The following EPG5 variants were observed in gnomAD, a reference collection of about 807,000 sequenced individuals.
EPG5 encodes the protein ectopic P granules protein 5 homolog.
EPG5 carries 159 observed loss-of-function variants against 302.7 expected under a neutral mutation model. The ratio of observed to expected loss-of-function variants is 0.53; its 90% CI spans 0.46 to 0.60. EPG5 has a LOEUF of 0.60. Among genes scored for constraint, EPG5 ranks in the 20% least tolerant of loss-of-function variants. The pLI, the probability that EPG5 is intolerant of heterozygous loss-of-function variation, is 0.00. For missense variants in EPG5, 2,896 were observed against 3,092.4 expected, an observed-to-expected ratio of 0.94 and a Z score of 1.51; for synonymous variants, 1,158 against 1,136.8, an observed-to-expected ratio of 1.02 and a Z score of -0.37.
intron 43 of EPG5, 73 bp from the exon 44 acceptor site, chr18:45,852,722 C>A: frequency 1.5e-6 from 2 of 1,294,588 alleles, no homozygotes; most frequent in Admixed American, 1.8e-5. Context: ...TACAGCACAC[C>A]CATTATCACT....
intron 10 of EPG5, among the ~76,000 whole-genome samples, chr18:45,937,371 C>CAT (rs1316634653): frequency 6.7e-6 from 1 of 150,038 alleles, no homozygotes; most frequent in African/African-American, 2.5e-5. Flanking sequence ...TACACACACA[C>CAT]ATATATATAC....
the EPG5 span, chr18:45,842,461 G>C: frequency 1.5e-4 from 64 of 416,326 alleles, no homozygotes; most frequent in Middle Eastern, 6.8e-4. Context: ...GAGAGAGAGA[G>C]TACACGCATT....
chr18:45,894,771 C>T (rs1165272634), intron 27 of EPG5, among the ~76,000 whole-genome samples: 1 of 152,044 alleles, frequency 6.6e-6, no homozygotes, highest in Non-Finnish European at 1.5e-5. Flanking sequence ...GTCTAAATGG[C>T]TGAAAAGTAA....
chr18:45,854,242 T>A (rs975196512), intron 43 of EPG5, among the ~76,000 whole-genome samples: 1 of 152,248 alleles, frequency 6.6e-6, no homozygotes, highest in Non-Finnish European at 1.5e-5. Flanking sequence ...GAGTGACAAC[T>A]ATCAGCTATT....
chr18:45,938,717 G>A (rs1286131080), intron 10 of EPG5, among the ~76,000 whole-genome samples: 1 of 152,152 alleles, frequency 6.6e-6, no homozygotes, highest in African/African-American at 2.4e-5. Context: ...TGAGGTTAAT[G>A]GAACAGTAGT....
intron 35 of EPG5, among the ~76,000 whole-genome samples, chr18:45,871,003 G>A (rs961569072): frequency 2.0e-5 from 3 of 152,078 alleles, no homozygotes; most frequent in African/African-American, 4.8e-5. Context: ...ATTTCTAAAC[G>A]TATGGCTTTT....
intron 26 of EPG5, among the ~76,000 whole-genome samples, chr18:45,899,863 G>A (rs1426290027): frequency 6.6e-6 from 1 of 152,192 alleles, no homozygotes; most frequent in African/African-American, 2.4e-5. Context: ...AAGAACAACT[G>A]AGAATTCTAT....
At position 45,855,561 on chromosome 18, in the gene EPG5, G is replaced by T; in HGVS notation, c.7557+12C>A. On this transcript the variant is annotated intron_variant, in intron 43 of 43. Transcript: ENST00000282041. ...GCAGGCAAACTTCTAACCCTTCATT[G>T]TATATACTGACCTGCTGAGCTTTGG... The T allele has an allele frequency of 6.2e-7, 1 of 1,604,094 alleles. No individual in the cohort carries two copies. Among genetic ancestry groups the T allele is most frequent in the Non-Finnish European group, 8.5e-7 (1 of 1,171,182 alleles).
Position 45,930,789 on chromosome 18 carries a change from T to C in EPG5, c.2299A>G (p.Met767Val), listed in dbSNP as rs1006436383. The C allele has an allele frequency of 6.2e-7, 1 of 1,607,894 alleles. No individual in the cohort carries two copies. The change falls in exon 12 of 44, where the codon ATG becomes GTG. Residue 767 changes from methionine (M) to valine (V), a missense_variant. Met to Val is a conservative substitution (Grantham distance 21, BLOSUM62 1). This residue lies in a region of EPG5 where 1,390 missense variants were observed against 1,430.0 expected (regional missense o/e 0.97). Transcript: ENST00000282041. ...FTNFEKCLSS[M>V]NSSEEICLLT... ...AGGCAAATCTCTTCTGAGCTATTCA[T>C]AGAAGAAAGACACTTCTCAAAGTTG... is the stretch of plus-strand genomic sequence containing the variant.
the EPG5 span, among the ~76,000 whole-genome samples, chr18:45,817,668 G>C: frequency 1.7e-4 from 26 of 152,358 alleles, no homozygotes; most frequent in Middle Eastern, 3.4e-3. Flanking sequence ...AGAAGGCTCA[G>C]TTCTTTAGCA....
intron 1 of EPG5, 36 bp downstream of exon 1, chr18:45,967,141 C>CT: frequency 2.0e-6 from 3 of 1,523,158 alleles, no homozygotes; most frequent in Non-Finnish European, 2.6e-6. Context: ...ACACAGCACA[C>CT]TGCCAGAGCC....
chr18:45,911,078 T>TACACACACACAC (rs34212851), intron 22 of EPG5, among the ~76,000 whole-genome samples: 17 of 135,330 alleles, frequency 1.3e-4, no homozygotes, highest in African/African-American at 4.2e-4. Context: ...TATCTATCTA[T>TACACACACACAC]ACACACACAC....
intron 35 of EPG5, among the ~76,000 whole-genome samples, chr18:45,871,973 G>A (rs76991766): frequency 1.0e-3 from 158 of 152,318 alleles, no homozygotes; most frequent in African/African-American, 3.7e-3. Context: ...TAAGCAAGGT[G>A]ATGGATATCT....
chr18:45,821,961 T>C, the EPG5 span, among the ~76,000 whole-genome samples: 8 of 152,130 alleles, frequency 5.3e-5, no homozygotes, highest in African/African-American at 1.9e-4. Flanking sequence ...AAAAATTACA[T>C]ATAGTGAAGC....
chr18:45,963,727 T>A (rs8087546), intron 1 of EPG5, among the ~76,000 whole-genome samples: 26,639 of 152,160 alleles, frequency 0.18, 3,560 homozygotes, highest in African/African-American at 0.34. Context: ...ACAGAGCCCT[T>A]AGTCCATGCT....
At position 45,876,289 on chromosome 18, in the gene EPG5, C is replaced by T. The variant is rs1398653306; in HGVS notation, c.5996G>A (p.Ser1999Asn). The change falls in exon 35 of 44, where the codon AGC becomes AAC. Residue 1999 changes from serine (S) to asparagine (N), a missense_variant. Physicochemically the swap from Ser to Asn is conservative, Grantham distance 46. Around this residue, in one of 5 missense-constraint regions of EPG5, gnomAD observed 32 missense variants for 58.4 expected, o/e 0.55. Coordinates refer to ENST00000282041, the MANE Select transcript of EPG5 (RefSeq NM_020964.3). ...ACAGTCAGTGAACAGCTGCACAATG[C>T]TTGAGGCCACCACAGTATCACTCTC... ...WLESDTVVAS[S>N]IVQLFTDCID... 1.2e-6 allele frequency: 2 copies of T among 1,614,104 alleles called. No individual in the cohort carries two copies. The highest frequency in any genetic ancestry group is 1.1e-5 in the South Asian group (1 of 91,080).
chr18:45,885,891 C>G (rs1282510403), intron 29 of EPG5, among the ~76,000 whole-genome samples: 1 of 151,848 alleles, frequency 6.6e-6, no homozygotes, highest in African/African-American at 2.4e-5. Flanking sequence ...ACCACAATCA[C>G]CAATTCACAA....
chr18:45,894,292 G>A (rs984812202), intron 27 of EPG5, among the ~76,000 whole-genome samples: 1 of 151,758 alleles, frequency 6.6e-6, no homozygotes. Flanking sequence ...AAACCTCATC[G>A]CTACTAAAAA....
At chr18:45,963,976 G>A (rs924783177) in intron 1 of EPG5, among the ~76,000 whole-genome samples, 1 of 152,198 alleles carries the variant, frequency 6.6e-6, no homozygotes, top group Non-Finnish European at 1.5e-5. Context: ...AAGACTTAGT[G>A]AATGATCAGA....
Sources: gnomAD v4.1 joint callset for allele counts (sites outside exome capture counted in the v4.1 genomes callset) on GRCh38, gnomAD v4.1.1 for gene constraint, gnomAD v4.1.1 regional missense constraint, MANE v1.5 for transcripts, NCBI Gene and HGNC (gene_info 2026-07-23, HGNC 2026-07-21) for gene names.